The following NLGN1 variants were observed in gnomAD, a reference collection of about 807,000 sequenced individuals.
The protein encoded by NLGN1 is neuroligin 1.
A neutral mutation model predicts 65.5 loss-of-function variants in NLGN1; 12 were observed. The ratio of observed to expected loss-of-function variants is 0.18; its 90% confidence interval spans 0.12 to 0.30. The LOEUF is 0.30. NLGN1 is among the 10% of genes least tolerant of loss of function. NLGN1 has a pLI of 1.00. For synonymous variants in NLGN1, 350 were observed against 359.5 expected (o/e 0.97, Z 0.30); for missense variants, 750 against 1,007.1 (o/e 0.74, Z 3.46).
chr3:174,046,153 A>G (rs923165306), intron 4 of NLGN1, among the ~76,000 whole-genome samples: 1 of 152,194 alleles, frequency 6.6e-6, no homozygotes, highest in African/African-American at 2.4e-5. Context: ...AGAGCATGTA[A>G]AAAATTGAAG....
chr3:173,497,342 C>A (rs1177235036), intron 2 of NLGN1, among the ~76,000 whole-genome samples: 1 of 151,084 alleles, frequency 6.6e-6, no homozygotes, highest in Non-Finnish European at 1.5e-5. Context: ...GAGCCAAGAG[C>A]ATGCCACTGC....
At chr3:174,018,982 C>T (rs1348416570) in intron 4 of NLGN1, among the ~76,000 whole-genome samples, 6 of 151,896 alleles carry the variant, frequency 4.0e-5, no homozygotes, top group Non-Finnish European at 8.8e-5. Context: ...ACAAATATAG[C>T]TAATAAGGTG....
intron 3 of NLGN1, among the ~76,000 whole-genome samples, chr3:173,736,314 A>G (rs1348223653): frequency 1.3e-5 from 2 of 151,888 alleles, no homozygotes; most frequent in African/African-American, 4.8e-5. Context: ...AAAGGAGGAA[A>G]TTTTTCCCGT....
At chr3:173,711,423 A>G (rs1471026136) in intron 3 of NLGN1, among the ~76,000 whole-genome samples, 2 of 152,184 alleles carry the variant, frequency 1.3e-5, no homozygotes, top group African/African-American at 4.8e-5. Context: ...TATTAAAGCT[A>G]CCACCTGTTG....
At chr3:173,605,505 T>C (rs1410581870) in intron 3 of NLGN1, 29 bp from the exon 3 acceptor site, 1 of 1,231,456 alleles carries the variant, frequency 8.1e-7, no homozygotes, top group South Asian at 1.3e-5. Flanking sequence ...AGCGCCATGT[T>C]ATTTTCTAGT....
At chr3:173,637,461 T>C (rs1756770127) in intron 3 of NLGN1, among the ~76,000 whole-genome samples, 1 of 152,140 alleles carries the variant, frequency 6.6e-6, no homozygotes, top group Non-Finnish European at 1.5e-5. Flanking sequence ...TTCTTTCATA[T>C]AAGCTTTTTA....
chr3:174,114,901 A>C (rs1428762890), intron 4 of NLGN1, among the ~76,000 whole-genome samples: 1 of 152,152 alleles, frequency 6.6e-6, no homozygotes, highest in Non-Finnish European at 1.5e-5. Context: ...GTCCTACAAA[A>C]TAGCAGGTAT....
At chr3:173,501,521 T>C (rs1731116798) in intron 2 of NLGN1, among the ~76,000 whole-genome samples, 1 of 152,122 alleles carries the variant, frequency 6.6e-6, no homozygotes, top group African/African-American at 2.4e-5. Context: ...AGAAATTCTT[T>C]ATCATAATAC....
At chr3:174,105,358 T>C (rs1194110238) in intron 4 of NLGN1, among the ~76,000 whole-genome samples, 3 of 151,892 alleles carry the variant, frequency 2.0e-5, no homozygotes, top group African/African-American at 2.4e-5. Flanking sequence ...GGCAACATGG[T>C]TAAACCCTGT....
chr3:173,908,375 T>C lies in NLGN1; in HGVS notation c.646+100543T>C, dbSNP rs1035057394. On this transcript the variant is annotated intron_variant, in intron 4 of 6. Transcript: ENST00000457714. ...CTTTTTGAAAGTAATTTTTATAATA[T>C]CTTTAAATAGCCACACAAAAATGTT... Among the ~76,000 whole-genome samples, 4 of 152,208 alleles carry C rather than the reference T, an allele frequency of 2.6e-5. No homozygotes were observed. In the East Asian group the frequency reaches 7.7e-4, roughly 29 times the overall value.
intron 2 of NLGN1, among the ~76,000 whole-genome samples, chr3:173,549,277 C>G (rs1740445598): frequency 6.6e-6 from 1 of 151,958 alleles, no homozygotes; most frequent in South Asian, 2.1e-4. Flanking sequence ...AGATAGCTTC[C>G]TAGAGTGTTA....
chr3:173,532,194 GTC>G (rs922363130), intron 2 of NLGN1, among the ~76,000 whole-genome samples: 1 of 152,050 alleles, frequency 6.6e-6, no homozygotes, highest in African/African-American at 2.4e-5. Flanking sequence ...ATGTTTAAAA[GTC>G]TCTCTTCATT....
At position 174,257,902 on chromosome 3, in the gene NLGN1, T is replaced by TTA. The variant is rs146056725; in HGVS notation, c.647-17396_647-17395dup. Among the ~76,000 whole-genome samples, 1,457 of 147,760 alleles carry TTA rather than the reference T, an allele frequency of 9.9e-3. 14 individuals carry two copies. The highest frequency in any genetic ancestry group is 0.028 in the Middle Eastern group (8 of 286). On this transcript the variant is annotated intron_variant, in intron 4 of 6. Transcript: ENST00000457714. ...ATCTGCGCAGCAACTTTATATCTCC[T>TTA]TATATATATATATATATAAAGTTCG...
At chr3:173,495,516 G>C (rs972045520) in intron 2 of NLGN1, among the ~76,000 whole-genome samples, 2 of 151,130 alleles carry the variant, frequency 1.3e-5, no homozygotes, top group Admixed American at 1.3e-4. Flanking sequence ...GTAAAACAGT[G>C]GGTGAGTTGT....
At chr3:173,900,525 A>G (rs1737148055) in intron 4 of NLGN1, among the ~76,000 whole-genome samples, 1 of 152,086 alleles carries the variant, frequency 6.6e-6, no homozygotes, top group Non-Finnish European at 1.5e-5. Context: ...TTTCTTATAC[A>G]GTATTACTAA....
intron 2 of NLGN1, among the ~76,000 whole-genome samples, chr3:173,453,651 G>T (rs1722016402): frequency 6.6e-6 from 1 of 152,252 alleles, no homozygotes; most frequent in African/African-American, 2.4e-5. Context: ...TCCATAAGAA[G>T]GAACTCCTCA....
At chr3:173,498,398 G>T (rs1241212451) in intron 2 of NLGN1, among the ~76,000 whole-genome samples, 2 of 151,692 alleles carry the variant, frequency 1.3e-5, no homozygotes, top group Non-Finnish European at 2.9e-5. Context: ...CATTTTTATG[G>T]CTGCATAGTA....
intron 4 of NLGN1, among the ~76,000 whole-genome samples, chr3:173,904,970 T>C (rs969047080): frequency 1.3e-5 from 2 of 152,200 alleles, no homozygotes; most frequent in African/African-American, 2.4e-5. Context: ...ATATTGCTGC[T>C]TCTGTCCTCT....
chr3:173,606,699 G>T (rs1751454960), intron 3 of NLGN1, among the ~76,000 whole-genome samples: 1 of 151,806 alleles, frequency 6.6e-6, no homozygotes, highest in Non-Finnish European at 1.5e-5. Context: ...TAAATTGAGG[G>T]TTTTTTTGTT....
Sources: allele counts gnomAD v4.1 joint callset (sites outside exome capture counted in the v4.1 genomes callset), GRCh38; gene constraint gnomAD v4.1.1; transcripts MANE v1.5; gene names NCBI Gene and HGNC (gene_info 2026-07-23, HGNC 2026-07-21).